DYNC1I1: variants seen among roughly 807,000 people sequenced by gnomAD.
DYNC1I1 encodes the protein cytoplasmic dynein 1 intermediate chain 1.
In DYNC1I1, 43 loss-of-function variants were observed where a neutral mutation model predicts 86.6. The observed-to-expected ratio is 0.50, with a 90% confidence interval of 0.39 to 0.64. DYNC1I1 has a LOEUF of 0.64. DYNC1I1 is among the 30% of genes least tolerant of loss of function. DYNC1I1 has a pLI of 0.00. For synonymous variants in DYNC1I1, 262 were observed against 283.7 expected, an observed-to-expected ratio of 0.92 and a Z score of 0.77; for missense variants, 604 against 788.8, an observed-to-expected ratio of 0.77 and a Z score of 2.81.
intron 1 of DYNC1I1, among the ~76,000 whole-genome samples, chr7:95,789,282 G>T (rs1047959923): frequency 7.2e-5 from 11 of 152,174 alleles, no homozygotes; most frequent in African/African-American, 2.2e-4. Flanking sequence ...TGCTGATGGG[G>T]CAAATAGCAA....
At chr7:95,785,103 G>A (rs1350634899) in intron 1 of DYNC1I1, among the ~76,000 whole-genome samples, 1 of 152,114 alleles carries the variant, frequency 6.6e-6, no homozygotes, top group Non-Finnish European at 1.5e-5. Context: ...ACTTCAGGGA[G>A]TTTAACAGCC....
chr7:95,954,440 T>C (rs1792648740), intron 6 of DYNC1I1, among the ~76,000 whole-genome samples: 1 of 151,918 alleles, frequency 6.6e-6, no homozygotes, highest in Non-Finnish European at 1.5e-5. Context: ...ACACAGAAAG[T>C]TCTCTTGGGC....
At chr7:96,012,175 G>T (rs960241684) in intron 10 of DYNC1I1, among the ~76,000 whole-genome samples, 2 of 152,068 alleles carry the variant, frequency 1.3e-5, no homozygotes, top group African/African-American at 4.8e-5. Context: ...TGTGATGGTT[G>T]ATAGCACCTC....
At chr7:95,931,047 T>C (rs1199294298) in intron 6 of DYNC1I1, among the ~76,000 whole-genome samples, 1 of 152,198 alleles carries the variant, frequency 6.6e-6, no homozygotes, top group Non-Finnish European at 1.5e-5. Flanking sequence ...TAATTCAGAG[T>C]ATTGCTGCAT....
At chr7:96,084,464 C>T (rs1584309433) in intron 16 of DYNC1I1, among the ~76,000 whole-genome samples, 1 of 97,420 alleles carries the variant, frequency 1.0e-5, no homozygotes, top group South Asian at 3.1e-4. Flanking sequence ...TTTTTTGAGA[C>T]GGAGTTTTGC....
chr7:95,810,889 C>CT (rs1461069808), intron 3 of DYNC1I1, among the ~76,000 whole-genome samples: 1 of 152,110 alleles, frequency 6.6e-6, no homozygotes, highest in Non-Finnish European at 1.5e-5. Flanking sequence ...AATCTAAATA[C>CT]TGTGGATCTG....
chr7:95,947,648 T>G (rs1792439271), intron 6 of DYNC1I1, among the ~76,000 whole-genome samples: 2 of 152,114 alleles, frequency 1.3e-5, no homozygotes, highest in Admixed American at 1.3e-4. Context: ...TGGGGCAGAT[T>G]TCTTTCCATC....
intron 5 of DYNC1I1, among the ~76,000 whole-genome samples, chr7:95,850,603 C>T (rs1405236776): frequency 6.6e-6 from 1 of 152,170 alleles, no homozygotes; most frequent in Non-Finnish European, 1.5e-5. Context: ...TGTTTGCCTG[C>T]CACACACACA....
chr7:95,885,337 TTTTG>T (rs200070391), intron 6 of DYNC1I1, among the ~76,000 whole-genome samples: 2 of 152,040 alleles, frequency 1.3e-5, no homozygotes, highest in African/African-American at 2.4e-5. Context: ...CTGGCCAATT[TTTTG>T]TTTGTTTGTA....
chr7:96,088,112 TTAAAC>T (rs1563001050), intron 16 of DYNC1I1, among the ~76,000 whole-genome samples: 1 of 152,164 alleles, frequency 6.6e-6, no homozygotes, highest in African/African-American at 2.4e-5. Flanking sequence ...AAGACCATGA[TTAAAC>T]TAATTATTAT....
intron 6 of DYNC1I1, among the ~76,000 whole-genome samples, chr7:95,886,117 G>T (rs1169780028): frequency 1.3e-5 from 2 of 152,070 alleles, no homozygotes; most frequent in Non-Finnish European, 2.9e-5. Flanking sequence ...TAAACAAATT[G>T]TATTATTCTA....
chr7:95,794,817 T>C (rs1185914042), intron 1 of DYNC1I1, among the ~76,000 whole-genome samples: 2 of 152,208 alleles, frequency 1.3e-5, no homozygotes, highest in African/African-American at 2.4e-5. Context: ...AGAGTGATAC[T>C]AAAGGCTTAA....
intron 6 of DYNC1I1, among the ~76,000 whole-genome samples, chr7:95,916,561 A>C (rs2116361181): frequency 6.6e-6 from 1 of 152,274 alleles, no homozygotes; most frequent in African/African-American, 2.4e-5. Flanking sequence ...TTTCCATATA[A>C]GGGCCGAATT....
chr7:95,806,084 C>G (rs1249318596), intron 2 of DYNC1I1, among the ~76,000 whole-genome samples: 1 of 152,108 alleles, frequency 6.6e-6, no homozygotes, highest in Non-Finnish European at 1.5e-5. Context: ...CATACTCAGT[C>G]TTTGAGTGAA....
intron 1 of DYNC1I1, among the ~76,000 whole-genome samples, chr7:95,785,194 T>C (rs1002160041): frequency 6.6e-6 from 1 of 152,074 alleles, no homozygotes; most frequent in Non-Finnish European, 1.5e-5. Flanking sequence ...GGTAGATTGC[T>C]TGAGTTCAGG....
chr7:95,797,457 G>A (rs929409682), intron 1 of DYNC1I1, among the ~76,000 whole-genome samples: 4 of 152,180 alleles, frequency 2.6e-5, no homozygotes, highest in Admixed American at 6.6e-5. Context: ...AAAGATTGGC[G>A]ATGAAGTTAC....
intron 6 of DYNC1I1, among the ~76,000 whole-genome samples, chr7:95,873,178 C>A (rs895938186): frequency 6.6e-6 from 1 of 152,094 alleles, no homozygotes; most frequent in Non-Finnish European, 1.5e-5. Flanking sequence ...TCTACTCAGG[C>A]CCAGTAGCAA....
At chr7:96,018,445 G>A (rs1028795825) in intron 10 of DYNC1I1, among the ~76,000 whole-genome samples, 3 of 152,172 alleles carry the variant, frequency 2.0e-5, no homozygotes, top group African/African-American at 4.8e-5. Context: ...TACCCACCTA[G>A]TAAGACTGAT....
intron 14 of DYNC1I1, among the ~76,000 whole-genome samples, chr7:96,045,019 A>T (rs564027556): frequency 1.3e-5 from 2 of 152,158 alleles, no homozygotes; most frequent in African/African-American, 2.4e-5. Context: ...CCAGAGTGTG[A>T]TGGAGGGGCA....
Sources: gnomAD v4.1 joint callset for allele counts (sites outside exome capture counted in the v4.1 genomes callset) on GRCh38, gnomAD v4.1.1 for gene constraint, MANE v1.5 for transcripts, NCBI Gene and HGNC (gene_info 2026-07-23, HGNC 2026-07-21) for gene names.